COG5: variants seen among roughly 807,000 people sequenced by gnomAD.
COG5 encodes conserved oligomeric Golgi complex subunit 5.
In COG5, 86 loss-of-function variants were observed where a neutral mutation model predicts 110.4. That is an observed-to-expected ratio of 0.78 (90% CI 0.65 to 0.93). The LOEUF (loss-of-function observed/expected upper bound fraction) is 0.93. Among genes scored for constraint, COG5 ranks in the 40% least tolerant of loss-of-function variants. The probability of loss-of-function intolerance (pLI) is 0.00; values close to 1 mark genes in which losing one functional copy is unlikely to be tolerated. For synonymous variants in COG5, 360 were observed against 334.6 expected, an observed-to-expected ratio of 1.08 and a Z score of -0.83; for missense variants, 1,077 against 987.0, an observed-to-expected ratio of 1.09 and a Z score of -1.22.
Position 107,293,703 on chromosome 7 carries a change from T to C in COG5, c.1313+4439A>G, listed in dbSNP as rs141135680. ...TAATCTATAAATGCTGGTACCTTTC[T>C]TGGGCCAAGGCTCTCTTTTCTCTCC... On this transcript the variant is annotated intron_variant, in intron 12 of 21. Transcript: ENST00000297135. Among the ~76,000 whole-genome samples the C allele has an allele frequency of 9.8e-4, 149 of 152,240 alleles. 4 individuals are homozygous for C. In the East Asian group the frequency reaches 0.021, roughly 21 times the overall value.
At chr7:107,424,229 T>C (rs1313286390) in intron 6 of COG5, among the ~76,000 whole-genome samples, 2 of 151,942 alleles carry the variant, frequency 1.3e-5, no homozygotes, top group African/African-American at 2.4e-5. Flanking sequence ...GCTGAGGTCA[T>C]GCCACTGCAC....
At chr7:107,367,208 T>C (rs1464184538) in intron 8 of COG5, among the ~76,000 whole-genome samples, 3 of 152,020 alleles carry the variant, frequency 2.0e-5, no homozygotes, top group Admixed American at 6.6e-5. Context: ...GGCCAAATCA[T>C]TTAAGCATAA....
At chr7:107,213,635 C>A (rs1183148261) in intron 19 of COG5, among the ~76,000 whole-genome samples, 1 of 152,190 alleles carries the variant, frequency 6.6e-6, no homozygotes, top group African/African-American at 2.4e-5. Context: ...TGAAGCTCAG[C>A]CAGCAGCCGC....
chr7:107,273,317 T>C (rs1804433265), intron 14 of COG5, among the ~76,000 whole-genome samples: 1 of 152,216 alleles, frequency 6.6e-6, no homozygotes, highest in African/African-American at 2.4e-5. Context: ...TGATATGTAT[T>C]TGTATGTGGG....
chr7:107,329,650 G>C (rs1810074146), intron 10 of COG5, among the ~76,000 whole-genome samples: 1 of 152,118 alleles, frequency 6.6e-6, no homozygotes, highest in African/African-American at 2.4e-5. Context: ...CCAACACTTT[G>C]GGAGGCCAAG....
intron 19 of COG5, among the ~76,000 whole-genome samples, chr7:107,218,784 CT>C (rs1799699232): frequency 6.6e-6 from 1 of 152,050 alleles, no homozygotes; most frequent in Non-Finnish European, 1.5e-5. Flanking sequence ...TAGGGGGAAA[CT>C]TCCATGACAC....
intron 18 of COG5, among the ~76,000 whole-genome samples, chr7:107,235,244 T>C (rs1398967870): frequency 6.6e-6 from 1 of 152,178 alleles, no homozygotes; most frequent in Non-Finnish European, 1.5e-5. Flanking sequence ...GGTCCTTTCC[T>C]CCATGTAGAA....
chr7:107,379,493 C>A (rs1814919876), intron 7 of COG5, among the ~76,000 whole-genome samples: 1 of 150,440 alleles, frequency 6.6e-6, no homozygotes, highest in South Asian at 2.1e-4. Flanking sequence ...GATAAAGAGT[C>A]AAGACCCATT....
At position 107,236,629 on chromosome 7, in the gene COG5, G is replaced by C; in HGVS notation, c.1912C>G (p.Gln638Glu). 6.2e-7 allele frequency: 1 copy of C among 1,614,082 alleles called. No individual in the cohort carries two copies. The highest frequency in any genetic ancestry group is 1.6e-4 in the Middle Eastern group (1 of 6,062). ...CTCATAACTCTGGCAATGAAACCTT[G>C]TAGCTCCTTCATGTACAGAGAACAA... ...VPCSLYMKEL[Q>E]GFIARVMSDY... Residue 638 changes from glutamine (Q) to glutamate (E), a missense_variant, in exon 18 of 22, where the codon CAA becomes GAA. Transcript: ENST00000297135.
intron 8 of COG5, among the ~76,000 whole-genome samples, chr7:107,366,034 G>A (rs1052656820): frequency 6.6e-6 from 1 of 152,008 alleles, no homozygotes; most frequent in South Asian, 2.1e-4. Context: ...GTGGCAGGAA[G>A]GAGGAAGAAA....
intron 6 of COG5, among the ~76,000 whole-genome samples, chr7:107,426,270 T>C (rs1793637400): frequency 6.6e-6 from 1 of 152,180 alleles, no homozygotes; most frequent in South Asian, 2.1e-4. Flanking sequence ...CAACAACTCA[T>C]TTAATACATT....
chr7:107,408,987 A>G (rs1792073210), intron 7 of COG5, among the ~76,000 whole-genome samples: 2 of 152,112 alleles, frequency 1.3e-5, no homozygotes, highest in African/African-American at 2.4e-5. Context: ...TCTGTTCTCT[A>G]TAAGCAAACT....
chr7:107,210,664 A>C, intron 20 of COG5, 59 bp from the exon 21 acceptor site: 1 of 1,529,382 alleles, frequency 6.5e-7, no homozygotes, highest in Non-Finnish European at 8.9e-7. Context: ...AAATGGCAGC[A>C]AGTGCTGGTT....
chr7:107,442,278 A>G (rs933313646), intron 6 of COG5, among the ~76,000 whole-genome samples: 6 of 152,242 alleles, frequency 3.9e-5, no homozygotes, highest in Admixed American at 3.3e-4. Context: ...TTTGCCTTCC[A>G]CCATGATTAT....
At chr7:107,481,675 A>C (rs896350176) in intron 6 of COG5, among the ~76,000 whole-genome samples, 1 of 152,124 alleles carries the variant, frequency 6.6e-6, no homozygotes, top group African/African-American at 2.4e-5. Context: ...TCAAATTTAC[A>C]TACTCTGTAC....
intron 19 of COG5, among the ~76,000 whole-genome samples, chr7:107,223,729 G>C (rs1372576143): frequency 6.6e-6 from 1 of 152,192 alleles, no homozygotes; most frequent in East Asian, 1.9e-4. Flanking sequence ...TCTGGAATAA[G>C]ATGTGGGGTA....
intron 14 of COG5, among the ~76,000 whole-genome samples, chr7:107,280,212 C>T (rs1176549870): frequency 6.6e-6 from 1 of 151,990 alleles, no homozygotes; most frequent in African/African-American, 2.4e-5. Context: ...GCTTCTATAT[C>T]TCTGTATGGT....
At chr7:107,539,111 C>CT (rs1801797039) in intron 5 of COG5, among the ~76,000 whole-genome samples, 1 of 151,874 alleles carries the variant, frequency 6.6e-6, no homozygotes, top group South Asian at 2.1e-4. Context: ...GAGACACTGT[C>CT]TAAAAAAAAT....
intron 14 of COG5, among the ~76,000 whole-genome samples, chr7:107,274,476 T>C (rs1804536238): frequency 6.6e-6 from 1 of 152,146 alleles, no homozygotes; most frequent in Non-Finnish European, 1.5e-5. Context: ...TTGGTGAGAC[T>C]TACGGGAATA....
Sources: gnomAD v4.1 joint callset for allele counts (sites outside exome capture counted in the v4.1 genomes callset) on GRCh38, gnomAD v4.1.1 for gene constraint, MANE v1.5 for transcripts, NCBI Gene and HGNC (gene_info 2026-07-23, HGNC 2026-07-21) for gene names.